The following DNAH6 variants were observed in gnomAD, a reference collection of about 807,000 sequenced individuals.
DNAH6 encodes dynein axonemal heavy chain 6.
DNAH6 carries 340 observed loss-of-function variants against 491.4 expected under a neutral mutation model. That is an observed-to-expected ratio of 0.69 (90% CI 0.63 to 0.76). The LOEUF (loss-of-function observed/expected upper bound fraction) is 0.76. DNAH6 is among the 30% of genes least tolerant of loss of function. DNAH6 has a pLI of 0.00. For missense variants in DNAH6, 4,443 were observed against 4,972.2 expected, an observed-to-expected ratio of 0.89 and a Z score of 3.20; for synonymous variants, 1,603 against 1,686.1, an observed-to-expected ratio of 0.95 and a Z score of 1.21.
chr2:84,635,755 T>C (rs1432602318), intron 30 of DNAH6, among the ~76,000 whole-genome samples: 2 of 152,210 alleles, frequency 1.3e-5, no homozygotes, highest in Middle Eastern at 3.4e-3. Context: ...CTGTTTAGAA[T>C]AGGTAAACTA....
chr2:84,484,999 G>T, the DNAH6 span, among the ~76,000 whole-genome samples: 1 of 152,082 alleles, frequency 6.6e-6, no homozygotes, highest in East Asian at 1.9e-4. Flanking sequence ...TTCAAGAGAG[G>T]GCAAAAATTC....
At chr2:84,770,490 C>T (rs908259552) in intron 64 of DNAH6, among the ~76,000 whole-genome samples, 1 of 151,704 alleles carries the variant, frequency 6.6e-6, no homozygotes, top group Non-Finnish European at 1.5e-5. Context: ...TGATGACTCA[C>T]CAAAATAGAG....
chr2:84,485,394 G>T, the DNAH6 span, among the ~76,000 whole-genome samples: 1 of 152,064 alleles, frequency 6.6e-6, no homozygotes, highest in East Asian at 1.9e-4. Flanking sequence ...ATAAGGAAGG[G>T]AAGGAGACTG....
intron 29 of DNAH6, among the ~76,000 whole-genome samples, chr2:84,629,574 G>C (rs1447833783): frequency 1.3e-5 from 2 of 152,020 alleles, no homozygotes; most frequent in Non-Finnish European, 2.9e-5. Context: ...TGTTCTCTTG[G>C]CTTGCTTATG....
At chr2:84,607,463 A>G (rs1212799483) in intron 21 of DNAH6, among the ~76,000 whole-genome samples, 1 of 152,150 alleles carries the variant, frequency 6.6e-6, no homozygotes, top group Non-Finnish European at 1.5e-5. Context: ...GATAGACATA[A>G]TAGACACTGG....
intron 34 of DNAH6, 76 bp from the exon 35 acceptor site, chr2:84,654,584 A>G: frequency 2.0e-6 from 3 of 1,518,404 alleles, no homozygotes; most frequent in Non-Finnish European, 2.7e-6. Flanking sequence ...ATCATTTTAT[A>G]AGTGTGAACA....
intron 68 of DNAH6, among the ~76,000 whole-genome samples, chr2:84,788,396 T>C (rs2105253125): frequency 6.6e-6 from 1 of 152,332 alleles, no homozygotes; most frequent in East Asian, 1.9e-4. Flanking sequence ...GGTCTGTAGA[T>C]TTAATGCAAT....
the DNAH6 span, among the ~76,000 whole-genome samples, chr2:84,494,736 A>G: frequency 6.6e-6 from 1 of 152,242 alleles, no homozygotes; most frequent in Non-Finnish European, 1.5e-5. Flanking sequence ...GATGTGATCA[A>G]AGATGAGAAA....
Position 84,611,862 on chromosome 2 carries a change from AC to A in DNAH6, c.3475+9del. On this transcript the variant is annotated intron_variant, in intron 22 of 76. Coordinates refer to ENST00000389394, the MANE Select transcript of DNAH6 (RefSeq NM_001370.2). ...GAGCCGCTACTCAGCCAGGTATGAA[AC>A]AAAATTCCAAACAAGCAAAAAGACT... The A allele has an allele frequency of 6.5e-7, 1 of 1,548,316 alleles. No individual in the cohort carries two copies. The highest frequency in any genetic ancestry group is 8.7e-7 in the Non-Finnish European group (1 of 1,145,258).
At chr2:84,587,159 A>T (rs1683637124) in intron 15 of DNAH6, among the ~76,000 whole-genome samples, 1 of 152,098 alleles carries the variant, frequency 6.6e-6, no homozygotes, top group Non-Finnish European at 1.5e-5. Context: ...CTTTGTGTCC[A>T]TGTGTTCTCA....
At chr2:84,623,169 T>C (rs1450455219) in intron 26 of DNAH6, among the ~76,000 whole-genome samples, 1 of 152,168 alleles carries the variant, frequency 6.6e-6, no homozygotes, top group Non-Finnish European at 1.5e-5. Context: ...GGAAAAGCTT[T>C]GACAATGGCG....
chr2:84,491,893 C>T, the DNAH6 span, among the ~76,000 whole-genome samples: 8 of 152,160 alleles, frequency 5.3e-5, no homozygotes, highest in Non-Finnish European at 1.2e-4. Flanking sequence ...TGCTTCACTG[C>T]AGGGTTGATC....
At chr2:84,655,158 G>T (rs1211365646) in intron 35 of DNAH6, among the ~76,000 whole-genome samples, 4 of 152,040 alleles carry the variant, frequency 2.6e-5, no homozygotes, top group Admixed American at 6.6e-5. Flanking sequence ...TGAAGAAAAA[G>T]AATATTTAAG....
intron 11 of DNAH6, among the ~76,000 whole-genome samples, chr2:84,559,225 GTGTATCAGAGGAC>G (rs1680394470): frequency 6.6e-6 from 1 of 152,132 alleles, no homozygotes; most frequent in Non-Finnish European, 1.5e-5. Flanking sequence ...AAAAGTCCTG[GTGTATCAGAGGAC>G]TGTCTACAGG....
the DNAH6 span, among the ~76,000 whole-genome samples, chr2:84,493,201 T>C: frequency 6.6e-6 from 1 of 152,174 alleles, no homozygotes; most frequent in Admixed American, 6.5e-5. Context: ...TGCTAATCCC[T>C]GCTCTGTGCT....
chr2:84,546,821 A>G (rs1202895959), intron 5 of DNAH6, among the ~76,000 whole-genome samples: 2 of 152,186 alleles, frequency 1.3e-5, no homozygotes, highest in Admixed American at 1.3e-4. Context: ...AACATGAAGC[A>G]GTTTTCCAAA....
At chr2:84,661,359 T>C (rs1434034762) in intron 37 of DNAH6, among the ~76,000 whole-genome samples, 1 of 151,956 alleles carries the variant, frequency 6.6e-6, no homozygotes, top group African/African-American at 2.4e-5. Context: ...GAAAAAGAAA[T>C]AAGACATACA....
Position 84,517,871 on chromosome 2 carries a change from T to C in DNAH6, c.45T>C (p.Ile15=). The C allele has an allele frequency of 6.4e-7, 1 of 1,551,792 alleles. No homozygotes were observed. Among genetic ancestry groups the C allele is most frequent in the South Asian group, 1.2e-5 (1 of 84,052 alleles). Residue 15 remains isoleucine (I), a synonymous_variant, in exon 2 of 77, where the codon ATT becomes ATC. Transcript: ENST00000389394. ...ATDSEFDLTN[I]EEYAENSALS... is the part of the protein sequence containing the mutation. ...ATAGTGAATTTGACCTGACAAATAT[T>C]GAAGAGTATGCCGAAAATTCTGCAC...
At chr2:84,479,358 A>G in the DNAH6 span, among the ~76,000 whole-genome samples, 15 of 152,228 alleles carry the variant, frequency 9.9e-5, no homozygotes, top group African/African-American at 3.6e-4. Flanking sequence ...CCACTCTCAT[A>G]CTGTCCAGCA....
Sources: allele counts gnomAD v4.1 joint callset (sites outside exome capture counted in the v4.1 genomes callset), GRCh38; gene constraint gnomAD v4.1.1; transcripts MANE v1.5; gene names NCBI Gene and HGNC (gene_info 2026-07-23, HGNC 2026-07-21).